ITPR1: variants seen among roughly 807,000 people sequenced by gnomAD.
ITPR1 encodes the protein inositol 1,4,5-trisphosphate receptor type 1, also known as inositol 1,4,5-trisphosphate-gated calcium channel ITPR1.
A neutral mutation model predicts 318.4 loss-of-function variants in ITPR1; 96 were observed. That is an observed-to-expected ratio of 0.30 (90% CI 0.26 to 0.36). The LOEUF is 0.36. ITPR1 is among the 10% of genes least tolerant of loss of function. The pLI is 1.00. For missense variants in ITPR1, 2,440 were observed against 3,460.2 expected (o/e 0.71, Z 7.40); for synonymous variants, 1,312 against 1,289.9 (o/e 1.02, Z -0.37).
At chr3:4,594,834 A>G (rs1409533069) in intron 4 of ITPR1, among the ~76,000 whole-genome samples, 1 of 152,210 alleles carries the variant, frequency 6.6e-6, no homozygotes, top group African/African-American at 2.4e-5. Flanking sequence ...GGTAAGGAAG[A>G]AAGGTGGAAT....
chr3:4,665,975 G>T (rs2125198463), intron 17 of ITPR1, among the ~76,000 whole-genome samples: 1 of 152,248 alleles, frequency 6.6e-6, no homozygotes, highest in African/African-American at 2.4e-5. Flanking sequence ...ACTTCATGGT[G>T]CTGCTGGCAT....
At position 4,688,506 on chromosome 3, in the gene ITPR1, C is replaced by G. The variant is rs1221568817; in HGVS notation, c.3714C>G (p.Thr1238=). The G allele has an allele frequency of 6.2e-7, 1 of 1,613,928 alleles. No homozygotes were observed. The highest frequency in any genetic ancestry group is 1.1e-5 in the South Asian group (1 of 91,072). Residue 1238 remains threonine (T), a synonymous_variant, in exon 31 of 62, where the codon ACC becomes ACG. Coordinates refer to ENST00000649015, the MANE Select transcript of ITPR1 (RefSeq NM_001378452.1). The part of the protein sequence containing the change: ...LQIPYEKAED[T]KMQEIMRLAH... The stretch of plus-strand genomic sequence containing the variant: ...CTCCTCCCACACAGGCCGAAGATAC[C>G]AAGATGCAAGAGATAATGAGGTTGG...
chr3:4,667,947 G>A (rs974433277), intron 18 of ITPR1, among the ~76,000 whole-genome samples: 5 of 152,094 alleles, frequency 3.3e-5, no homozygotes, highest in Admixed American at 6.5e-5. Flanking sequence ...TTGTGGGTAC[G>A]TAGTAGGTGT....
At chr3:4,592,468 T>C (rs9832099) in intron 4 of ITPR1, among the ~76,000 whole-genome samples, 10,763 of 152,238 alleles carry the variant, frequency 0.071, 525 homozygotes, top group Middle Eastern at 0.12. Flanking sequence ...TTGTGGCCTT[T>C]GGATTAATCA....
intron 5 of ITPR1, among the ~76,000 whole-genome samples, chr3:4,634,074 G>T (rs112318608): frequency 6.6e-6 from 1 of 152,112 alleles, no homozygotes; most frequent in Non-Finnish European, 1.5e-5. Context: ...GAATAATAGT[G>T]GTGGAACCAT....
At chr3:4,834,019 G>C (rs2050706137) in intron 60 of ITPR1, among the ~76,000 whole-genome samples, 1 of 152,158 alleles carries the variant, frequency 6.6e-6, no homozygotes, top group Non-Finnish European at 1.5e-5. Context: ...AGCTTCCCGA[G>C]TGGCTAGGAC....
At chr3:4,564,091 GC>G (rs1242823054) in intron 4 of ITPR1, among the ~76,000 whole-genome samples, 1 of 152,038 alleles carries the variant, frequency 6.6e-6, no homozygotes, top group African/African-American at 2.4e-5. Flanking sequence ...ACAGGTGTGT[GC>G]CACCATGCCC....
chr3:4,803,507 A>G (rs1448393616), intron 54 of ITPR1, among the ~76,000 whole-genome samples: 1 of 152,220 alleles, frequency 6.6e-6, no homozygotes, highest in Non-Finnish European at 1.5e-5. Context: ...TTCAGGTGGA[A>G]AGACACGCTG....
chr3:4,685,632 C>T lies in ITPR1; in HGVS notation c.3702+426C>T, dbSNP rs113000862. On this transcript the variant is annotated intron_variant, in intron 30 of 61. Transcript: ENST00000649015. ...CCCACTTTTGAAGTCCTCAGTAAGA[C>T]GCTGACATCTGCTTAAGTATTTGGA... Among the ~76,000 whole-genome samples the T allele has an allele frequency of 4.0e-3, 614 of 152,324 alleles. 5 individuals are homozygous for T. Among genetic ancestry groups the T allele is most frequent in the African/African-American group, 0.013 (551 of 41,564 alleles).
intron 10 of ITPR1, among the ~76,000 whole-genome samples, chr3:4,646,436 G>A (rs1276584189): frequency 1.3e-5 from 2 of 152,224 alleles, no homozygotes; most frequent in Non-Finnish European, 2.9e-5. Flanking sequence ...ATGTGGAAAC[G>A]TGAAGCAGCG....
intron 44 of ITPR1, among the ~76,000 whole-genome samples, chr3:4,760,758 G>A (rs1013008856): frequency 4.6e-5 from 7 of 152,170 alleles, no homozygotes; most frequent in African/African-American, 1.7e-4. Context: ...GTTTAGCAAT[G>A]GTGAATGGAG....
At chr3:4,814,621 G>T in intron 58 of ITPR1, 59 bp downstream of exon 58, 1 of 1,409,206 alleles carries the variant, frequency 7.1e-7, no homozygotes, top group Non-Finnish European at 9.9e-7. Context: ...GTTGGTGGGA[G>T]CACCATGCAG....
chr3:4,698,246 A>T (rs2094590111), intron 34 of ITPR1, among the ~76,000 whole-genome samples: 1 of 152,166 alleles, frequency 6.6e-6, no homozygotes, highest in Non-Finnish European at 1.5e-5. Flanking sequence ...GCACTGTAGA[A>T]TCCTAGAATG....
rs1244144869 is a variant in ITPR1 at position 4,645,731 on chromosome 3, A to G, written c.855+3A>G. On this transcript the variant is annotated splice_donor_region_variant and intron_variant, in intron 10 of 61. Transcript: ENST00000649015. Reference sequence around the variant, plus strand: ...CAAAAGCCCTGTGGGAGGTGGAGGTAAGGGTAGGGTGGAGAAAGGGCTCCT... The same window carrying G: ...CAAAAGCCCTGTGGGAGGTGGAGGTGAGGGTAGGGTGGAGAAAGGGCTCCT... 1 of 1,611,860 alleles carries G rather than the reference A, an allele frequency of 6.2e-7. No individual in the cohort carries two copies. The highest frequency in any genetic ancestry group is 8.5e-7 in the Non-Finnish European group (1 of 1,179,576).
intron 4 of ITPR1, among the ~76,000 whole-genome samples, chr3:4,547,947 T>C (rs878956685): frequency 6.6e-6 from 1 of 152,198 alleles, no homozygotes; most frequent in South Asian, 2.1e-4. Flanking sequence ...TTACGAAGCA[T>C]AGCTACAGGA....
chr3:4,680,036 T>A (rs986134878), intron 24 of ITPR1, among the ~76,000 whole-genome samples: 2 of 152,038 alleles, frequency 1.3e-5, no homozygotes, highest in African/African-American at 2.4e-5. Context: ...GAATAAAGGG[T>A]GAGGGAATAC....
At chr3:4,704,365 T>G (rs1574939271) in intron 36 of ITPR1, among the ~76,000 whole-genome samples, 1 of 152,162 alleles carries the variant, frequency 6.6e-6, no homozygotes, top group East Asian at 1.9e-4. Flanking sequence ...TGAGCCGAGA[T>G]CACGCCGCTG....
chr3:4,803,249 T>C (rs1393602895), intron 54 of ITPR1, among the ~76,000 whole-genome samples: 2 of 152,188 alleles, frequency 1.3e-5, no homozygotes, highest in Non-Finnish European at 2.9e-5. Context: ...GCCCCACCTC[T>C]GACACTGGAG....
chr3:4,601,383 G>C (rs2091268059), intron 4 of ITPR1, among the ~76,000 whole-genome samples: 1 of 151,512 alleles, frequency 6.6e-6, no homozygotes, highest in Non-Finnish European at 1.5e-5. Context: ...GCCAGGCATG[G>C]TTGCATACAC....
Sources: allele counts gnomAD v4.1 joint callset (sites outside exome capture counted in the v4.1 genomes callset), GRCh38; gene constraint gnomAD v4.1.1; transcripts MANE v1.5; gene names NCBI Gene and HGNC (gene_info 2026-07-23, HGNC 2026-07-21).